TPM3: variants seen among roughly 807,000 people sequenced by gnomAD.
TPM3 encodes tropomyosin 3.
A neutral mutation model predicts 43.1 loss-of-function variants in TPM3; 16 were observed. The observed-to-expected ratio is 0.37, with a 90% CI of 0.25 to 0.56. The LOEUF is 0.56. TPM3 is among the 20% of genes least tolerant of loss of function. The pLI is 0.77. For synonymous variants in TPM3, 101 were observed against 116.9 expected (o/e 0.86, Z 0.88); for missense variants, 176 against 337.2 (o/e 0.52, Z 3.74).
At chr1:154,187,933 CT>C (rs1160421402) in intron 2 of TPM3, among the ~76,000 whole-genome samples, 2 of 151,630 alleles carry the variant, frequency 1.3e-5, no homozygotes, top group African/African-American at 2.4e-5. Context: ...TACCAGGAAC[CT>C]AGGCTATACA....
intron 2 of TPM3, among the ~76,000 whole-genome samples, chr1:154,189,935 A>G (rs547037221): frequency 6.6e-6 from 1 of 151,780 alleles, no homozygotes; most frequent in East Asian, 1.9e-4. Flanking sequence ...ACCAAATGTG[A>G]TTTTATTTTA....
chr1:154,182,674 C>T (rs2148281129), intron 2 of TPM3, among the ~76,000 whole-genome samples: 1 of 152,308 alleles, frequency 6.6e-6, no homozygotes, highest in East Asian at 1.9e-4. Context: ...AGCCGCTGAG[C>T]CCCTCCCACG....
chr1:154,181,003 A>G (rs1662883350), intron 2 of TPM3, among the ~76,000 whole-genome samples: 1 of 151,990 alleles, frequency 6.6e-6, no homozygotes, highest in Admixed American at 6.5e-5. Flanking sequence ...TTAAATACTG[A>G]GCCTAAGATT....
At chr1:154,169,047 G>A (rs544689061) in intron 9 of TPM3, among the ~76,000 whole-genome samples, 147 of 152,060 alleles carry the variant, frequency 9.7e-4, no homozygotes, top group African/African-American at 3.3e-3. Context: ...TGTTGGCCAG[G>A]CTGGTCTCCA....
intron 1 of TPM3, 173 bp from the exon 2 acceptor site, chr1:154,191,484 C>CTG: frequency 7.5e-7 from 1 of 1,333,644 alleles, no homozygotes; most frequent in Non-Finnish European, 1.0e-6. Context: ...GTAGCTTGGC[C>CTG]TGTGACCCTG....
intron 2 of TPM3, among the ~76,000 whole-genome samples, chr1:154,186,406 C>G (rs10737174): frequency 0.97 from 147,327 of 151,366 alleles, 71,768 homozygotes; most frequent in East Asian, 1. Flanking sequence ...TTAATGCAGT[C>G]AAACAGATGG....
intron 2 of TPM3, among the ~76,000 whole-genome samples, chr1:154,187,696 G>A (rs1343871815): frequency 1.3e-5 from 2 of 151,472 alleles, no homozygotes; most frequent in Non-Finnish European, 2.9e-5. Flanking sequence ...ATTGCGTACA[G>A]CCTCTATGTT....
Position 154,168,042 on chromosome 1 carries a change from G to T in TPM3, c.855-102C>A. On this transcript the variant is annotated intron_variant, in intron 9 of 9. Coordinates refer to ENST00000651641, the MANE Select transcript of TPM3 (RefSeq NM_152263.4). ...GGAAAAAAAGGAAGAGGTGGCAGCA[G>T]GAATAATAAAAGAGAGCCAGACACT... The T allele has an allele frequency of 2.6e-6, 4 of 1,539,256 alleles. No individual in the cohort carries two copies. In the South Asian group the frequency reaches 4.5e-5, roughly 18 times the overall value.
intron 2 of TPM3, among the ~76,000 whole-genome samples, chr1:154,186,163 T>A (rs1409922405): frequency 2.0e-5 from 3 of 151,676 alleles, no homozygotes; most frequent in Non-Finnish European, 4.4e-5. Context: ...TTCTGACTCT[T>A]AATAGACTCT....
Position 154,167,592 on chromosome 1 carries a change from G to C in TPM3, c.*345C>G. ...AGAATCAGATCAGCTGAGTTTAAAT[G>C]TCAAGAAAAAATAGACACACACAAA... is the stretch of plus-strand genomic sequence containing the variant. On this transcript the variant is annotated 3_prime_UTR_variant, in exon 10 of 10. Coordinates refer to ENST00000651641, the MANE Select transcript of TPM3 (RefSeq NM_152263.4). The C allele has an allele frequency of 8.3e-6, 10 of 1,209,452 alleles. No individual in the cohort carries two copies. The highest frequency in any genetic ancestry group is 1.0e-5 in the Non-Finnish European group (10 of 962,820). The allele number at this position is 1,209,452 out of a possible 1,614,324, so 74.9% of individuals were successfully genotyped here.
chr1:154,174,113 A>T lies in TPM3; in HGVS notation c.378-912T>A, dbSNP rs1362098921. On this transcript the variant is annotated intron_variant, in intron 3 of 9. Coordinates refer to ENST00000651641, the MANE Select transcript of TPM3 (RefSeq NM_152263.4). ...TTTGGGAGGCCGAAGCCGGCAGATC[A>T]CCTGAGGTCAGGAGTTTGAGACCAG... is the stretch of plus-strand genomic sequence containing the variant. Among the ~76,000 whole-genome samples the T allele has an allele frequency of 2.0e-5, 3 of 151,696 alleles. No homozygotes were observed. In the East Asian group the frequency reaches 5.8e-4, roughly 29 times the overall value.
rs1239706868 is a variant in TPM3, at chr1:154,161,877, GA to G, written c.*6059del. Among the ~76,000 whole-genome samples the G allele has an allele frequency of 2.6e-5, 4 of 152,264 alleles. No individual in the cohort carries two copies. Among genetic ancestry groups the G allele is most frequent in the African/African-American group, 9.6e-5 (4 of 41,542 alleles). On this transcript the variant is annotated 3_prime_UTR_variant, in exon 10 of 10. Transcript: ENST00000651641. ...ACACAGAGTTTCCTAGGAATTGCAT[GA>G]GGTCAGAAAGACAAATGCAGCTGTT... is the stretch of plus-strand genomic sequence containing the variant.
chr1:154,160,700 T>G (rs1014001799), downstream of TPM3, among the ~76,000 whole-genome samples: 1 of 152,208 alleles, frequency 6.6e-6, no homozygotes, highest in African/African-American at 2.4e-5. Flanking sequence ...AGGATTGTTC[T>G]GTACATCAAC....
At position 154,183,349 on chromosome 1, in the gene TPM3, A is replaced by G. The variant is rs956647291; in HGVS notation, c.244-7101T>C. The G allele has an allele frequency of 4.9e-6, 7 of 1,421,110 alleles. No individual in the cohort carries two copies. The African/African-American group carries it at 7.1e-5, about 14-fold the overall frequency. 88.0% of individuals were successfully genotyped at this position (1,421,110 alleles called of 1,614,324 possible). A position where few individuals can be genotyped will look rare whatever the true frequency, so the allele number is the denominator to read the frequency against. The stretch of plus-strand genomic sequence containing the variant: ...TGGATCCTCCCAGTCGCCCTGGAGT[A>G]CGGCTCCCGGCCTTACCTTGGGCCA... On this transcript the variant is annotated intron_variant, in intron 2 of 9. Transcript: ENST00000651641.
rs182392071 is a variant in TPM3 at position 154,171,586 on chromosome 1, G to A, written c.567-98C>T. The A allele has an allele frequency of 2.3e-4, 310 of 1,332,016 alleles. No individual in the cohort carries two copies. The African/African-American group carries it at 4.1e-3, about 18-fold the overall frequency. 82.5% of individuals were successfully genotyped at this position (1,332,016 alleles called of 1,614,324 possible). A position where few individuals can be genotyped will look rare whatever the true frequency, so the allele number is the denominator to read the frequency against. On this transcript the variant is annotated intron_variant, in intron 5 of 9. Transcript: ENST00000651641. ...TAGACGTGAATTGAACCTATATGTAGAGAGAGTTGGAAGGCATACTGGGGA... is the reference window on the plus strand; with the variant it reads ...TAGACGTGAATTGAACCTATATGTAAAGAGAGTTGGAAGGCATACTGGGGA...
downstream of TPM3, chr1:154,159,138 A>G (rs561046587): frequency 1.3e-6 from 1 of 740,984 alleles, no homozygotes; most frequent in Non-Finnish European, 2.5e-6. Flanking sequence ...GTAGAGTACC[A>G]GAAGTAAATT....
intron 2 of TPM3, among the ~76,000 whole-genome samples, chr1:154,177,110 T>C (rs1326797459): frequency 6.6e-6 from 1 of 152,058 alleles, no homozygotes; most frequent in African/African-American, 2.4e-5. Flanking sequence ...TCTTCCAGAA[T>C]AGCCTTCCAG....
In TPM3 at chr1:154,172,901, T is replaced by C; in HGVS notation, c.566+7A>G. ...TAATGACAAGATTTGGGGAGCTAGATACTCACGACTCTGCCAGCTCAGCTC... is the reference window on the plus strand; with the variant it reads ...TAATGACAAGATTTGGGGAGCTAGACACTCACGACTCTGCCAGCTCAGCTC... On this transcript the variant is annotated splice_region_variant and intron_variant, in intron 5 of 9. Transcript: ENST00000651641. 1 of 1,614,144 alleles carries C rather than the reference T, an allele frequency of 6.2e-7. No individual in the cohort carries two copies. Among genetic ancestry groups the C allele is most frequent in the African/African-American group, 1.3e-5 (1 of 75,046 alleles).
At chr1:154,183,252 C>A (rs1429759003) in intron 2 of TPM3, 3 of 1,526,230 alleles carry the variant, frequency 2.0e-6, no homozygotes, top group Non-Finnish European at 2.6e-6. Context: ...GATGTGACGT[C>A]CCTCTGCCGC....
Sources: allele counts gnomAD v4.1 joint callset (sites outside exome capture counted in the v4.1 genomes callset), GRCh38; gene constraint gnomAD v4.1.1; transcripts MANE v1.5; gene names NCBI Gene and HGNC (gene_info 2026-07-23, HGNC 2026-07-21).